NFU1: variants seen among roughly 807,000 people sequenced by gnomAD.
The protein encoded by NFU1 is NFU1 iron-sulfur cluster scaffold, also known as NFU1 iron-sulfur cluster scaffold homolog, mitochondrial.
A neutral mutation model predicts 32.2 loss-of-function variants in NFU1; 30 were observed. The observed-to-expected ratio is 0.93, with a 90% CI of 0.70 to 1.26. NFU1 has a LOEUF of 1.26. Among genes scored for constraint, NFU1 ranks in the 50% most tolerant of loss-of-function variants. The pLI is 0.00. For missense variants in NFU1, 306 were observed against 306.6 expected (o/e 1.00, Z 0.02); for synonymous variants, 112 against 104.6 (o/e 1.07, Z -0.43).
chr2:69,407,987 T>A (rs1427203757), intron 5 of NFU1, among the ~76,000 whole-genome samples: 2 of 146,934 alleles, frequency 1.4e-5, no homozygotes, highest in Non-Finnish European at 3.0e-5. Flanking sequence ...CACTCCAGCC[T>A]GGGCAACAGA....
At chr2:69,423,317 T>C (rs943332346) in intron 3 of NFU1, among the ~76,000 whole-genome samples, 3 of 139,252 alleles carry the variant, frequency 2.2e-5, no homozygotes, top group Non-Finnish European at 4.7e-5. Context: ...ATGGAGTCTC[T>C]CTATGTTGCC....
At chr2:69,401,502 C>A (rs988350474) in intron 6 of NFU1, among the ~76,000 whole-genome samples, 4 of 152,242 alleles carry the variant, frequency 2.6e-5, no homozygotes, top group Non-Finnish European at 5.9e-5. Context: ...TTTATTTATC[C>A]ATTCTACTGT....
At chr2:69,431,329 A>AG (rs1385446931) in intron 2 of NFU1, among the ~76,000 whole-genome samples, 1 of 152,130 alleles carries the variant, frequency 6.6e-6, no homozygotes, top group Non-Finnish European at 1.5e-5. Context: ...TTTTTGAGAC[A>AG]GGGTCCCACT....
chr2:69,416,802 G>A (rs1466609085), intron 4 of NFU1, among the ~76,000 whole-genome samples: 1 of 152,186 alleles, frequency 6.6e-6, no homozygotes, highest in Non-Finnish European at 1.5e-5. Context: ...GGAGGCCAAG[G>A]AAGGAGAATC....
At chr2:69,434,304 C>T (rs1440214238) in intron 1 of NFU1, among the ~76,000 whole-genome samples, 5 of 151,788 alleles carry the variant, frequency 3.3e-5, no homozygotes, top group Admixed American at 1.3e-4. Context: ...CCACCATGCC[C>T]GGCTAATTTT....
At chr2:69,409,224 T>G (rs1283888946) in intron 5 of NFU1, among the ~76,000 whole-genome samples, 2 of 152,196 alleles carry the variant, frequency 1.3e-5, no homozygotes, top group African/African-American at 4.8e-5. Context: ...AAAGAATACA[T>G]GTAACTGTTT....
chr2:69,396,460 C>T (rs1672337853), intron 7 of NFU1, among the ~76,000 whole-genome samples, 170 bp from the exon 8 acceptor site: 4 of 152,058 alleles, frequency 2.6e-5, no homozygotes, highest in South Asian at 4.2e-4. Context: ...AATCATAACC[C>T]GGTATCCTAA....
rs1253705458 is a variant in NFU1 at position 69,423,716 on chromosome 2, C to T, written c.168G>A (p.Val56=). 5 of 1,592,352 alleles carry T rather than the reference C, an allele frequency of 3.1e-6. No individual in the cohort carries two copies. In the Admixed American group the frequency reaches 8.4e-5, roughly 27 times the overall value. ...FPLPAAFYHP[V]RYMFIQTQDT... is the part of the protein sequence containing the mutation. ...CTTGTGTTTGAATAAACATGTATCTCACTAAAAAAGAAAAAGAAGAAAATG... is the reference window on the plus strand; with the variant it reads ...CTTGTGTTTGAATAAACATGTATCTTACTAAAAAAGAAAAAGAAGAAAATG... The change falls in exon 3 of 8, where the codon GTG becomes GTA. Residue 56 remains valine (V), a splice_region_variant and synonymous_variant. Coordinates refer to ENST00000410022, the MANE Select transcript of NFU1 (RefSeq NM_001002755.4).
chr2:69,406,219 G>A (rs1672690609), intron 5 of NFU1, 137 bp from the exon 6 acceptor site: 1 of 613,176 alleles, frequency 1.6e-6, no homozygotes, highest in East Asian at 2.8e-5. Flanking sequence ...AACTTGGTAT[G>A]GAGATATATT....
intron 6 of NFU1, among the ~76,000 whole-genome samples, chr2:69,402,138 G>A (rs1481796222): frequency 2.0e-5 from 3 of 151,986 alleles, no homozygotes; most frequent in South Asian, 2.1e-4. Flanking sequence ...CAGGTGATCC[G>A]CTCACCTCAG....
intron 4 of NFU1, 53 bp downstream of exon 4, chr2:69,419,485 C>CA: frequency 1.1e-6 from 1 of 936,576 alleles, no homozygotes; most frequent in Middle Eastern, 2.1e-4. Context: ...GCATTGGACT[C>CA]AGAAAAAAAT....
At chr2:69,415,325 G>A (rs377568651) in intron 4 of NFU1, 26 bp from the exon 5 acceptor site, 57 of 1,376,816 alleles carry the variant, frequency 4.1e-5, no homozygotes, top group Non-Finnish European at 5.7e-5. Context: ...GGAAAATGCT[G>A]TATTTCCAGG....
At chr2:69,433,462 G>A (rs1200697243) in intron 1 of NFU1, among the ~76,000 whole-genome samples, 1 of 150,350 alleles carries the variant, frequency 6.7e-6, no homozygotes, top group Non-Finnish European at 1.5e-5. Context: ...TTACAGGCAT[G>A]AGACACCACA....
intron 5 of NFU1, among the ~76,000 whole-genome samples, chr2:69,412,745 C>G (rs1468306039): frequency 6.6e-6 from 1 of 151,216 alleles, no homozygotes; most frequent in Non-Finnish European, 1.5e-5. Context: ...ATAATCCCAG[C>G]TACTTGGGAG....
intron 1 of NFU1, 42 bp downstream of exon 1, chr2:69,437,319 C>A: frequency 1.3e-6 from 2 of 1,586,572 alleles, no homozygotes; most frequent in East Asian, 2.3e-5. Flanking sequence ...GCTGGCTAAG[C>A]CCAGCGGCAC....
chr2:69,398,430 T>C (rs776750468), intron 7 of NFU1, among the ~76,000 whole-genome samples: 2 of 152,228 alleles, frequency 1.3e-5, no homozygotes, highest in Non-Finnish European at 2.9e-5. Context: ...TGGATGCTAA[T>C]CTGCCACATT....
intron 5 of NFU1, among the ~76,000 whole-genome samples, chr2:69,413,293 A>G (rs886906007): frequency 9.4e-4 from 142 of 150,698 alleles, no homozygotes; most frequent in Non-Finnish European, 1.1e-3. Flanking sequence ...TTCAAAAAAA[A>G]AAAAGAAAAA....
rs77406509 is a variant in NFU1 at position 69,419,881 on chromosome 2, A to C, written c.303-277T>G. ...TTAAAATAGCCACACATACAGAAAA[A>C]TATGGAAATGTCCATCACCTGGTGA... On this transcript the variant is annotated intron_variant, in intron 3 of 7. Transcript: ENST00000410022. 0.015 allele frequency among the ~76,000 whole-genome samples: 2,239 copies of C among 152,328 alleles called. 129 individuals are homozygous for C. In the East Asian group the frequency reaches 0.18, roughly 13 times the overall value.
In NFU1 at chr2:69,423,730, A is replaced by C. The variant is rs181762580; in HGVS notation, c.167-13T>G. On this transcript the variant is annotated splice_polypyrimidine_tract_variant and intron_variant, in intron 2 of 7. Transcript: ENST00000410022. The stretch of plus-strand genomic sequence containing the variant: ...AACATGTATCTCACTAAAAAAGAAA[A>C]AGAAGAAAATGTTATTCTAGAAAAA... 1.2e-4 allele frequency: 184 copies of C among 1,572,370 alleles called. No individual in the cohort carries two copies. The African/African-American group carries it at 2.1e-3, about 18-fold the overall frequency.
Sources: allele counts gnomAD v4.1 joint callset (sites outside exome capture counted in the v4.1 genomes callset), GRCh38; gene constraint gnomAD v4.1.1; transcripts MANE v1.5; gene names NCBI Gene and HGNC (gene_info 2026-07-23, HGNC 2026-07-21).